The following AGBL1 variants were observed in gnomAD, a reference collection of about 807,000 sequenced individuals.
The protein encoded by AGBL1 is cytosolic carboxypeptidase 4.
AGBL1 carries 130 observed loss-of-function variants against 118.9 expected under a neutral mutation model. That is an observed-to-expected ratio of 1.09 (90% CI 0.95 to 1.26). The LOEUF (loss-of-function observed/expected upper bound fraction) is 1.26, where lower values mean the gene tolerates loss of function less well. Among genes scored for constraint, AGBL1 ranks in the 50% most tolerant of loss-of-function variants. The pLI is 0.00. For missense variants in AGBL1, 1,584 were observed against 1,298.1 expected (o/e 1.22, Z -3.38); for synonymous variants, 555 against 478.9 (o/e 1.16, Z -2.08).
chr15:86,660,713 T>C (rs1173728664), intron 21 of AGBL1, among the ~76,000 whole-genome samples: 1 of 152,172 alleles, frequency 6.6e-6, no homozygotes, highest in African/African-American at 2.4e-5. Flanking sequence ...TCAGGCCTCA[T>C]TTACTGAACT....
intron 5 of AGBL1, among the ~76,000 whole-genome samples, chr15:86,176,393 G>A (rs545485412): frequency 1.3e-5 from 2 of 152,352 alleles, no homozygotes; most frequent in East Asian, 3.9e-4. Context: ...TGTGCAGAGT[G>A]TCTGTGTCTG....
intron 18 of AGBL1, among the ~76,000 whole-genome samples, chr15:86,486,724 A>G (rs576247403): frequency 4.1e-4 from 63 of 152,214 alleles, no homozygotes; most frequent in African/African-American, 1.4e-3. Context: ...TGACCAATAC[A>G]GTGAATCTCC....
intron 21 of AGBL1, among the ~76,000 whole-genome samples, chr15:86,667,264 A>G (rs1043677682): frequency 6.6e-6 from 1 of 150,784 alleles, no homozygotes; most frequent in East Asian, 1.9e-4. Context: ...GTATCTATCT[A>G]TCTATCTGTC....
chr15:86,770,720 G>C (rs1390901687), intron 22 of AGBL1, among the ~76,000 whole-genome samples: 1 of 151,964 alleles, frequency 6.6e-6, no homozygotes, highest in Non-Finnish European at 1.5e-5. Flanking sequence ...TCCCTCACGG[G>C]CTGGGGCATG....
chr15:86,538,985 C>T (rs2083459886), intron 19 of AGBL1, among the ~76,000 whole-genome samples: 1 of 152,204 alleles, frequency 6.6e-6, no homozygotes, highest in East Asian at 1.9e-4. Context: ...CTTTGCGGAG[C>T]AAGAAATCAT....
chr15:86,470,820 G>A (rs1046698599), intron 18 of AGBL1, among the ~76,000 whole-genome samples: 4 of 151,336 alleles, frequency 2.6e-5, no homozygotes, highest in African/African-American at 9.7e-5. Context: ...GATTTTGGGG[G>A]GATAGTTCTT....
At chr15:86,855,140 G>A (rs938837230) in intron 22 of AGBL1, among the ~76,000 whole-genome samples, 17 of 152,074 alleles carry the variant, frequency 1.1e-4, no homozygotes, top group African/African-American at 3.9e-4. Flanking sequence ...CCCAATAAAG[G>A]GTCAAGGTCT....
At chr15:86,795,003 A>G (rs1038713632) in intron 22 of AGBL1, among the ~76,000 whole-genome samples, 3 of 151,664 alleles carry the variant, frequency 2.0e-5, no homozygotes, top group African/African-American at 7.3e-5. Flanking sequence ...CCAAAGGGGG[A>G]AAATAAGAGA....
chr15:86,649,028 G>A (rs1394504904), intron 21 of AGBL1, among the ~76,000 whole-genome samples: 1 of 152,128 alleles, frequency 6.6e-6, no homozygotes, highest in Non-Finnish European at 1.5e-5. Context: ...ATGGAGAAAT[G>A]ATACCATGTT....
intron 18 of AGBL1, among the ~76,000 whole-genome samples, chr15:86,414,873 C>T (rs2081668638): frequency 6.6e-6 from 1 of 152,082 alleles, no homozygotes; most frequent in East Asian, 1.9e-4. Context: ...AGCTGTATTG[C>T]TTGGGTTTGC....
intron 1 of AGBL1, among the ~76,000 whole-genome samples, chr15:86,108,606 A>G (rs1292098056): frequency 2.0e-5 from 3 of 152,178 alleles, no homozygotes; most frequent in African/African-American, 7.2e-5. Flanking sequence ...TGTAAAATGC[A>G]AATAAATTGA....
At chr15:86,126,456 A>C (rs975902136) in intron 1 of AGBL1, among the ~76,000 whole-genome samples, 7 of 152,176 alleles carry the variant, frequency 4.6e-5, no homozygotes, top group Non-Finnish European at 8.8e-5. Flanking sequence ...CCAGGATGGA[A>C]TGTTTATATT....
At chr15:86,163,707 G>T (rs750241790) in intron 5 of AGBL1, among the ~76,000 whole-genome samples, 2 of 151,510 alleles carry the variant, frequency 1.3e-5, no homozygotes, top group Non-Finnish European at 2.9e-5. Flanking sequence ...CAGCCTGTGA[G>T]ACAGAGTGAG....
intron 18 of AGBL1, among the ~76,000 whole-genome samples, chr15:86,506,760 G>A (rs1426842080): frequency 6.6e-6 from 1 of 152,040 alleles, no homozygotes; most frequent in Non-Finnish European, 1.5e-5. Flanking sequence ...GGGAGAGGTA[G>A]CATCTTGAGT....
intron 17 of AGBL1, among the ~76,000 whole-genome samples, chr15:86,390,259 A>G (rs932615772): frequency 1.3e-5 from 2 of 152,208 alleles, no homozygotes; most frequent in African/African-American, 4.8e-5. Context: ...AAGAATTGAC[A>G]ACATAATATG....
chr15:86,227,122 CT>C (rs896729597), intron 6 of AGBL1, among the ~76,000 whole-genome samples: 4 of 152,034 alleles, frequency 2.6e-5, no homozygotes, highest in African/African-American at 9.7e-5. Flanking sequence ...GTACTGCCCC[CT>C]TCTACCAGAA....
intron 22 of AGBL1, among the ~76,000 whole-genome samples, chr15:86,754,017 A>G (rs2077896877): frequency 6.6e-6 from 1 of 152,092 alleles, no homozygotes; most frequent in Admixed American, 6.6e-5. Flanking sequence ...CAGAAAAGAA[A>G]CCTAAATCAG....
At chr15:86,200,632 T>A (rs898292719) in intron 5 of AGBL1, among the ~76,000 whole-genome samples, 1 of 151,086 alleles carries the variant, frequency 6.6e-6, no homozygotes, top group Non-Finnish European at 1.5e-5. Context: ...CTTTTTTTTT[T>A]TGAGATGGAG....
intron 22 of AGBL1, among the ~76,000 whole-genome samples, chr15:86,839,582 ATG>A (rs2079217253): frequency 6.6e-6 from 1 of 152,174 alleles, no homozygotes; most frequent in Non-Finnish European, 1.5e-5. Flanking sequence ...ATTATGTAGG[ATG>A]TTTAGCAGTA....
Sources: gnomAD v4.1 joint callset for allele counts (sites outside exome capture counted in the v4.1 genomes callset) on GRCh38, gnomAD v4.1.1 for gene constraint, MANE v1.5 for transcripts, NCBI Gene and HGNC (gene_info 2026-07-23, HGNC 2026-07-21) for gene names.